AFM: variants seen among roughly 807,000 people sequenced by gnomAD.
The protein encoded by AFM is alpha-Alb.
AFM carries 82 observed loss-of-function variants against 68.7 expected under a neutral mutation model. That is an observed-to-expected ratio of 1.19 (90% CI 1.00 to 1.43). The LOEUF (loss-of-function observed/expected upper bound fraction) is 1.43, where lower values mean the gene tolerates loss of function less well. AFM is among the 40% of genes most tolerant of loss of function. The pLI is 0.00. For missense variants in AFM, 772 were observed against 701.8 expected, an observed-to-expected ratio of 1.10 and a Z score of -1.13; for synonymous variants, 250 against 234.2, an observed-to-expected ratio of 1.07 and a Z score of -0.61.
chr4:73,499,097 G>C lies in AFM; in HGVS notation c.1290-17G>C. 1 of 1,607,592 alleles carries C rather than the reference G, an allele frequency of 6.2e-7. No individual in the cohort carries two copies. Among genetic ancestry groups the C allele is most frequent in the Non-Finnish European group, 8.5e-7 (1 of 1,176,142 alleles). ...ATCTGCTTTCATTCAGAACCAAACA[G>C]ACAAATGTTCTTTCAGTTACCTCAT... On this transcript the variant is annotated splice_polypyrimidine_tract_variant and intron_variant, in intron 10 of 14. Transcript: ENST00000226355.
In AFM at chr4:73,500,354, A is replaced by C; in HGVS notation, c.1646+127A>C. 3.6e-6 allele frequency: 3 copies of C among 827,440 alleles called. No individual in the cohort carries two copies. The Admixed American group carries it at 8.7e-5, about 24-fold the overall frequency. The allele number at this position is 827,440 out of a possible 1,614,324, so 51.3% of individuals were successfully genotyped here. On this transcript the variant is annotated intron_variant, in intron 12 of 14. Transcript: ENST00000226355. ...TCCTGTTCCTTCCACCAAATTGTCC[A>C]GTCTCTTCTATATGGAAAAATACAA...
chr4:73,500,975 T>C (rs1721408219), intron 12 of AFM, among the ~76,000 whole-genome samples: 1 of 152,194 alleles, frequency 6.6e-6, no homozygotes, highest in Admixed American at 6.6e-5. Context: ...CAAATTTTTG[T>C]TAATTCTTAG....
chr4:73,498,533 CCTTCGGA>C (rs1273787530), intron 10 of AFM, among the ~76,000 whole-genome samples: 2 of 152,128 alleles, frequency 1.3e-5, no homozygotes, highest in African/African-American at 4.8e-5. Flanking sequence ...GCAATCCAAC[CCTTCGGA>C]CTTTGCTGGG....
intron 6 of AFM, among the ~76,000 whole-genome samples, chr4:73,488,337 G>A (rs1720968683): frequency 6.6e-6 from 1 of 152,148 alleles, no homozygotes; most frequent in African/African-American, 2.4e-5. Context: ...ACAATAGGAA[G>A]TGGTGGCCTT....
chr4:73,502,030 T>A, intron 13 of AFM, 111 bp downstream of exon 13: 9 of 1,191,206 alleles, frequency 7.6e-6, no homozygotes, highest in Non-Finnish European at 1.0e-5. Flanking sequence ...CAGGACTACA[T>A]TTGAGAGCAC....
chr4:73,485,428 C>T (rs964802811), intron 3 of AFM, among the ~76,000 whole-genome samples: 1 of 151,990 alleles, frequency 6.6e-6, no homozygotes, highest in Non-Finnish European at 1.5e-5. Flanking sequence ...ATTTGGCACA[C>T]CTGTTCTCCC....
rs1406039722 is a variant in AFM, at chr4:73,500,238, TC to T, written c.1646+12del. 1 of 1,590,146 alleles carries T rather than the reference TC, an allele frequency of 6.3e-7. No individual in the cohort carries two copies. Among genetic ancestry groups the T allele is most frequent in the South Asian group, 1.1e-5 (1 of 88,746 alleles). On this transcript the variant is annotated intron_variant, in intron 12 of 14. Transcript: ENST00000226355. ...GAGGAAGACAGACAGGTACAAATAATCTCTTCCATTCTTCTTTTTCTTTGGT... is the reference window on the plus strand; with the variant it reads ...GAGGAAGACAGACAGGTACAAATAATTCTTCCATTCTTCTTTTTCTTTGGT...
chr4:73,499,484 A>G (rs1721358996), intron 11 of AFM, among the ~76,000 whole-genome samples: 1 of 152,120 alleles, frequency 6.6e-6, no homozygotes, highest in Non-Finnish European at 1.5e-5. Context: ...TCTTCATTGT[A>G]TTAGAAGGGA....
At chr4:73,503,688 C>T (rs1028031809) in intron 14 of AFM, among the ~76,000 whole-genome samples, 188 bp from the exon 15 acceptor site, 2 of 152,032 alleles carry the variant, frequency 1.3e-5, no homozygotes, top group South Asian at 2.1e-4. Flanking sequence ...CAAAATGTTG[C>T]GTAGATATAG....
chr4:73,495,369 A>G lies in AFM; in HGVS notation c.1128A>G (p.Ile376Met). The part of the protein sequence containing the change: ...SIPELLRIVQ[I>M]YKDLLRNCCN... ...CAGAGCTTTTAAGAATTGTTCAAAT[A>G]TACAAAGATCTCCTGAGAAATTGCT... Residue 376 changes from isoleucine (I) to methionine (M), a missense_variant, in exon 9 of 15, where the codon ATA (isoleucine) becomes ATG (methionine). Ile to Met is a conservative substitution (Grantham distance 10). Coordinates refer to ENST00000226355, the MANE Select transcript of AFM (RefSeq NM_001133.2). 6.2e-7 allele frequency: 1 copy of G among 1,613,400 alleles called. No homozygotes were observed. The highest frequency in any genetic ancestry group is 8.5e-7 in the Non-Finnish European group (1 of 1,179,740).
At chr4:73,486,191 C>A in intron 4 of AFM, 118 bp downstream of exon 4, 1 of 843,998 alleles carries the variant, frequency 1.2e-6, no homozygotes, top group Non-Finnish European at 1.8e-6. Context: ...TTGTTTCATT[C>A]ATTCAAAACA....
In AFM at chr4:73,501,736, G is replaced by A. The variant is rs187064739; in HGVS notation, c.1647-51G>A. 445 of 1,564,692 alleles carry A rather than the reference G, an allele frequency of 2.8e-4. No individual in the cohort carries two copies. The African/African-American group carries it at 4.2e-3, about 15-fold the overall frequency. On this transcript the variant is annotated intron_variant, in intron 12 of 14. Transcript: ENST00000226355. ...GTAACAAGCATTTTGGAGTAGAGAC[G>A]CTTCAGAAAGAAAGCGTTAATTAAT...
At chr4:73,482,986 A>T (rs1720756444) in intron 1 of AFM, among the ~76,000 whole-genome samples, 1 of 152,104 alleles carries the variant, frequency 6.6e-6, no homozygotes, top group African/African-American at 2.4e-5. Flanking sequence ...GACTCCTATA[A>T]TCTGGGCCCA....
rs914828967 is a variant in AFM at position 73,502,060 on chromosome 4, T to C, written c.1779+141T>C. The C allele has an allele frequency of 6.8e-5, 62 of 909,810 alleles. 1 individual carries two copies. The highest frequency in any genetic ancestry group is 7.0e-4 in the Middle Eastern group (2 of 2,860). 56.4% of individuals were successfully genotyped at this position (909,810 alleles called of 1,614,324 possible). A position where few individuals can be genotyped will look rare whatever the true frequency, so the allele number is the denominator to read the frequency against. On this transcript the variant is annotated intron_variant, in intron 13 of 14. Coordinates refer to ENST00000226355, the MANE Select transcript of AFM (RefSeq NM_001133.2). Reference sequence around the variant, plus strand: ...GAGCACAATTGCTACACAACTAATATGTAGACATCTCTGAAATACACTTTG... The same window carrying C: ...GAGCACAATTGCTACACAACTAATACGTAGACATCTCTGAAATACACTTTG...
intron 4 of AFM, 53 bp from the exon 5 acceptor site, chr4:73,486,914 C>A: frequency 6.4e-7 from 1 of 1,557,376 alleles, no homozygotes; most frequent in Non-Finnish European, 8.8e-7. Context: ...ACATTCATTG[C>A]TTCCTGTTTC....
intron 2 of AFM, 23 bp from the exon 3 acceptor site, chr4:73,484,235 A>G (rs1454719315): frequency 6.3e-7 from 1 of 1,595,056 alleles, no homozygotes; most frequent in Non-Finnish European, 8.5e-7. Flanking sequence ...TGATCTTTGT[A>G]TACCCCATGT....
At chr4:73,488,401 GT>G (rs11346041) in intron 6 of AFM, among the ~76,000 whole-genome samples, 33,520 of 151,556 alleles carry the variant, frequency 0.22, 4,189 homozygotes, top group Admixed American at 0.33. Context: ...TCTCAGTTTT[GT>G]TTTTTTTCAC....
chr4:73,499,851 T>A (rs1245087088), intron 11 of AFM, among the ~76,000 whole-genome samples, 153 bp from the exon 12 acceptor site: 1 of 152,238 alleles, frequency 6.6e-6, no homozygotes, highest in Non-Finnish European at 1.5e-5. Flanking sequence ...CTTCTAGTTT[T>A]ACTTGTATAT....
At chr4:73,485,387 G>T (rs1026269938) in intron 3 of AFM, among the ~76,000 whole-genome samples, 2 of 152,096 alleles carry the variant, frequency 1.3e-5, no homozygotes, top group African/African-American at 4.8e-5. Flanking sequence ...AGTGCAGGAT[G>T]ATTGTCAAGG....
Sources: allele counts gnomAD v4.1 joint callset (sites outside exome capture counted in the v4.1 genomes callset), GRCh38; gene constraint gnomAD v4.1.1; transcripts MANE v1.5; gene names NCBI Gene and HGNC (gene_info 2026-07-23, HGNC 2026-07-21).